The following CLTCL1 variants were observed in gnomAD, a reference collection of about 807,000 sequenced individuals.
CLTCL1 encodes the protein clathrin heavy chain like 1, also known as clathrin heavy chain 2.
Under a neutral mutation model 190.0 loss-of-function variants are expected in CLTCL1, and 159 were observed. The ratio of observed to expected loss-of-function variants is 0.84; its 90% CI spans 0.74 to 0.95. The LOEUF (loss-of-function observed/expected upper bound fraction) is 0.95. CLTCL1 is among the 40% of genes least tolerant of loss of function. CLTCL1 has a pLI of 0.00. For synonymous variants in CLTCL1, 752 were observed against 769.6 expected, an observed-to-expected ratio of 0.98 and a Z score of 0.38; for missense variants, 1,878 against 2,033.4, an observed-to-expected ratio of 0.92 and a Z score of 1.47.
intron 2 of CLTCL1, among the ~76,000 whole-genome samples, chr22:19,256,519 C>T (rs545642755): frequency 4.3e-4 from 66 of 151,836 alleles, no homozygotes; most frequent in African/African-American, 1.6e-3. Context: ...ATCACGCCCA[C>T]CTAATTTTCG....
Position 19,210,149 on chromosome 22 carries a change from G to A in CLTCL1, c.3249+177C>T, listed in dbSNP as rs5746686. The stretch of plus-strand genomic sequence containing the variant: ...AAGGAGCACCCACAGAGAAGGTCAA[G>A]ACAAGGGGCCAGCGGGCTGGGAAGA... On this transcript the variant is annotated intron_variant, in intron 20 of 32. Transcript: ENST00000427926. Among the ~76,000 whole-genome samples the A allele has an allele frequency of 9.4e-3, 1,427 of 152,248 alleles. 33 individuals are homozygous for A. Among genetic ancestry groups the A allele is most frequent in the East Asian group, 0.068 (351 of 5,170 alleles).
At chr22:19,275,875 T>C in intron 1 of CLTCL1, 45 bp from the exon 2 acceptor site, 1 of 1,515,308 alleles carries the variant, frequency 6.6e-7, no homozygotes, top group Non-Finnish European at 9.0e-7. Context: ...TCCTCTGAAA[T>C]GGACTGACTG....
chr22:19,246,511 T>C (rs560914259), intron 3 of CLTCL1, among the ~76,000 whole-genome samples: 3 of 150,452 alleles, frequency 2.0e-5, no homozygotes, highest in East Asian at 4.0e-4. Context: ...AGTTTCGCTC[T>C]TGTTGCCCAG....
intron 22 of CLTCL1, among the ~76,000 whole-genome samples, chr22:19,206,258 C>A (rs770948826): frequency 5.3e-5 from 8 of 152,002 alleles, no homozygotes; most frequent in Non-Finnish European, 1.0e-4. Context: ...GACAGGGTCT[C>A]GCTCTTTGCC....
chr22:19,286,051 C>T (rs1555989941), intron 1 of CLTCL1, among the ~76,000 whole-genome samples: 2 of 152,160 alleles, frequency 1.3e-5, no homozygotes, highest in African/African-American at 4.8e-5. Context: ...ATCAGACTAG[C>T]CCCTGCAACA....
chr22:19,181,700 C>T (rs2084144920), intron 30 of CLTCL1: 1 of 152,264 alleles, frequency 6.6e-6, no homozygotes, highest in South Asian at 2.1e-4. Context: ...TCTCCCAGCA[C>T]TGCTGTGTGG....
Position 19,235,794 on chromosome 22 carries a change from C to A in CLTCL1, c.871G>T (p.Val291Leu), listed in dbSNP as rs782166058. The A allele has an allele frequency of 3.1e-6, 5 of 1,613,898 alleles. No individual in the cohort carries two copies. The highest frequency in any genetic ancestry group is 8.5e-7 in the Non-Finnish European group (1 of 1,179,848). Residue 291 changes from valine (V) to leucine (L), a missense_variant, in exon 6 of 33, where the codon GTG (valine) becomes TTG (leucine). Transcript: ENST00000427926. ...YLHLYDLESG[V>L]CICMNRISAD... ...CTAATACGGTTCATGCAGATGCACA[C>A]GCCAGACTCTAGGTCGTACAGATGA...
intron 19 of CLTCL1, among the ~76,000 whole-genome samples, chr22:19,214,655 T>C (rs2085329219): frequency 1.3e-5 from 2 of 151,948 alleles, no homozygotes; most frequent in South Asian, 4.2e-4. Context: ...TTCTTCCAAG[T>C]ATATACTCTA....
At position 19,221,304 on chromosome 22, in the gene CLTCL1, C is replaced by T. The variant is rs953699210; in HGVS notation, c.2796+73G>A. 32 of 1,199,488 alleles carry T rather than the reference C, an allele frequency of 2.7e-5. No homozygotes were observed. The Admixed American group carries it at 7.2e-4, about 27-fold the overall frequency. The allele number at this position is 1,199,488 out of a possible 1,614,324, so 74.3% of individuals were successfully genotyped here. ...TGCACAGAAAGCCCTGATCAGCTCC[C>T]CACAGGCACACCTTTGAAAGCTTCC... On this transcript the variant is annotated intron_variant, in intron 17 of 32. Coordinates refer to ENST00000427926, the MANE Select transcript of CLTCL1 (RefSeq NM_007098.4).
intron 3 of CLTCL1, among the ~76,000 whole-genome samples, chr22:19,246,699 C>G (rs1555968178): frequency 1.3e-5 from 2 of 152,354 alleles, no homozygotes; most frequent in East Asian, 3.9e-4. Context: ...TGGTCTCAAA[C>G]TCCTGACCTC....
intron 2 of CLTCL1, among the ~76,000 whole-genome samples, chr22:19,268,855 G>C (rs541906986): frequency 4.9e-4 from 74 of 152,258 alleles, no homozygotes; most frequent in African/African-American, 1.8e-3. Context: ...AGCAATTTGG[G>C]AGGCCAACGC....
intron 22 of CLTCL1, among the ~76,000 whole-genome samples, chr22:19,202,657 C>T (rs868923673): frequency 7.0e-4 from 106 of 151,296 alleles, no homozygotes; most frequent in Middle Eastern, 3.4e-3. Flanking sequence ...ACCTCTTGTA[C>T]CACCCCTACA....
chr22:19,291,655 C>A lies in CLTCL1; in HGVS notation c.-14G>T. On this transcript the variant is annotated 5_prime_UTR_variant, in exon 1 of 33. Transcript: ENST00000427926. ...GATCTGCGCCATGGCTGGTGCGGGA[C>A]CTCGGCGGCGGCGGCGGCAGCGGCA... The A allele has an allele frequency of 7.3e-7, 1 of 1,376,174 alleles. No individual in the cohort carries two copies. The highest frequency in any genetic ancestry group is 9.5e-7 in the Non-Finnish European group (1 of 1,051,702). 85.2% of individuals were successfully genotyped at this position (1,376,174 alleles called of 1,614,324 possible).
intron 23 of CLTCL1, among the ~76,000 whole-genome samples, chr22:19,200,562 C>T (rs536090241): frequency 3.9e-5 from 6 of 152,282 alleles, no homozygotes; most frequent in East Asian, 1.9e-4. Flanking sequence ...AGGCCTTGGC[C>T]GGGCGCAGTG....
chr22:19,188,251 A>G (rs73394609), intron 27 of CLTCL1, among the ~76,000 whole-genome samples, 160 bp from the exon 28 acceptor site: 3,790 of 152,326 alleles, frequency 0.025, 152 homozygotes, highest in African/African-American at 0.086. Context: ...CTACACTCAC[A>G]CAAAGAGGAC....
chr22:19,232,357 G>T, intron 10 of CLTCL1, 119 bp downstream of exon 10: 1 of 1,391,042 alleles, frequency 7.2e-7, no homozygotes. Context: ...TTTTAAAACT[G>T]CAAGATTAAT....
chr22:19,282,871 C>CTTT (rs782332608), intron 1 of CLTCL1, among the ~76,000 whole-genome samples: 3 of 137,902 alleles, frequency 2.2e-5, no homozygotes, highest in Non-Finnish European at 4.8e-5. Flanking sequence ...TCTTTCTTTC[C>CTTT]TTTTTTTTTT....
intron 1 of CLTCL1, among the ~76,000 whole-genome samples, chr22:19,277,963 A>G (rs2087575277): frequency 6.6e-6 from 1 of 152,118 alleles, no homozygotes; most frequent in Non-Finnish European, 1.5e-5. Flanking sequence ...CCTGGGTTTG[A>G]CTAATTTGTT....
rs782101944 is a variant in CLTCL1 at position 19,232,560 on chromosome 22, A to G, written c.1560T>C (p.Gly520=). 4 of 1,613,754 alleles carry G rather than the reference A, an allele frequency of 2.5e-6. No homozygotes were observed. The highest frequency in any genetic ancestry group is 4.5e-5 in the East Asian group (2 of 44,866). ...CCTGTTCCGGACTGATCTTCATTAC[A>G]CCCCTCAGCAGAAAGATCCAGTCTG... ...YTPDWIFLLR[G]VMKISPEQGL... Residue 520 remains glycine (G), a synonymous_variant, in exon 10 of 33, where the codon GGT becomes GGC. Coordinates refer to ENST00000427926, the MANE Select transcript of CLTCL1 (RefSeq NM_007098.4).
Sources: gnomAD v4.1 joint callset for allele counts (sites outside exome capture counted in the v4.1 genomes callset) on GRCh38, gnomAD v4.1.1 for gene constraint, MANE v1.5 for transcripts, NCBI Gene and HGNC (gene_info 2026-07-23, HGNC 2026-07-21) for gene names.